Variants in POR observed in about 807,000 individuals in gnomAD.
POR encodes the protein cytochrome p450 oxidoreductase.
POR carries 56 observed loss-of-function variants against 84.0 expected under a neutral mutation model. That is an observed-to-expected ratio of 0.67 (90% CI 0.54 to 0.83). The LOEUF (loss-of-function observed/expected upper bound fraction) is 0.83. POR is among the 40% of genes least tolerant of loss of function. The pLI is 0.00. For synonymous variants in POR, 414 were observed against 400.5 expected (o/e 1.03, Z -0.40); for missense variants, 938 against 944.3 (o/e 0.99, Z 0.09).
At chr7:75,950,724 G>A (rs1006309811) in intron 1 of POR, among the ~76,000 whole-genome samples, 4 of 152,164 alleles carry the variant, frequency 2.6e-5, no homozygotes, top group African/African-American at 7.2e-5. Context: ...AATATAAATA[G>A]TTTTCTCTGG....
intron 1 of POR, among the ~76,000 whole-genome samples, chr7:75,942,698 A>G (rs531589282): frequency 3.3e-5 from 5 of 151,986 alleles, no homozygotes; most frequent in East Asian, 1.9e-4. Flanking sequence ...AAAATGTGCA[A>G]AGGTTTTTCA....
chr7:75,951,720 C>T (rs997210870), intron 1 of POR, among the ~76,000 whole-genome samples: 1 of 152,228 alleles, frequency 6.6e-6, no homozygotes, highest in Non-Finnish European at 1.5e-5. Context: ...AAAACCCAGT[C>T]GGTCATATCC....
At chr7:75,927,178 G>A (rs577188961) in intron 1 of POR, among the ~76,000 whole-genome samples, 116 of 152,252 alleles carry the variant, frequency 7.6e-4, no homozygotes, top group African/African-American at 2.6e-3. Flanking sequence ...GCTCCTGTAT[G>A]TCAGAGCAGT....
chr7:75,937,766 G>C (rs1158635737), intron 1 of POR, among the ~76,000 whole-genome samples: 4 of 151,948 alleles, frequency 2.6e-5, no homozygotes, highest in Non-Finnish European at 2.9e-5. Flanking sequence ...TGGGCGACAA[G>C]AGCAAAACTC....
intron 1 of POR, among the ~76,000 whole-genome samples, chr7:75,925,801 G>T (rs186944673): frequency 6.6e-6 from 1 of 152,270 alleles, no homozygotes; most frequent in Admixed American, 6.5e-5. Context: ...AGGCTGAGAG[G>T]TTCAGGCTCG....
At chr7:75,983,913 G>A (rs1789238269) in intron 10 of POR, 57 bp downstream of exon 10, 1 of 1,370,152 alleles carries the variant, frequency 7.3e-7, no homozygotes, top group African/African-American at 1.4e-5. Flanking sequence ...GATTGGGCCT[G>A]TAGGAAGGCC....
chr7:75,917,358 G>A (rs1233327487), intron 1 of POR, among the ~76,000 whole-genome samples: 5 of 149,364 alleles, frequency 3.3e-5, no homozygotes, highest in South Asian at 4.3e-4. Context: ...GTGAGCCACC[G>A]TTCCTGGCTT....
At chr7:75,919,070 C>T (rs1806722855) in intron 1 of POR, among the ~76,000 whole-genome samples, 1 of 151,234 alleles carries the variant, frequency 6.6e-6, no homozygotes, top group Non-Finnish European at 1.5e-5. Context: ...GTGATCTTGG[C>T]TCACTGCAAC....
At position 75,986,566 on chromosome 7, in the gene POR, GGC is replaced by G; in HGVS notation, c.*86_*87del. 6.6e-7 allele frequency: 1 copy of G among 1,513,874 alleles called. No homozygotes were observed. The highest frequency in any genetic ancestry group is 2.4e-5 in the East Asian group (1 of 41,308). 93.8% of individuals were successfully genotyped at this position (1,513,874 alleles called of 1,614,324 possible). On this transcript the variant is annotated 3_prime_UTR_variant, in exon 16 of 16. Coordinates refer to ENST00000461988, the MANE Select transcript of POR (RefSeq NM_000941.3). Reference sequence around the variant, plus strand: ...CTCCCGTAGTCTCCTGGGTGTGTTTGGCTTGGCCTTGGCATGGGCGCAGGCCC... The same window carrying G: ...CTCCCGTAGTCTCCTGGGTGTGTTTGTTGGCCTTGGCATGGGCGCAGGCCC...
intron 2 of POR, among the ~76,000 whole-genome samples, chr7:75,966,000 TG>T (rs1280677043): frequency 2.6e-5 from 4 of 152,186 alleles, no homozygotes; most frequent in African/African-American, 9.7e-5. Context: ...GCTGGGCCAC[TG>T]GGCCCTGGAG....
intron 1 of POR, among the ~76,000 whole-genome samples, chr7:75,940,319 T>C (rs1214247012): frequency 2.0e-5 from 3 of 151,556 alleles, no homozygotes; most frequent in Admixed American, 2.0e-4. Context: ...ACTCCTGACC[T>C]CAGGTGATCC....
At chr7:75,947,825 G>A (rs2116376408) in intron 1 of POR, among the ~76,000 whole-genome samples, 1 of 152,090 alleles carries the variant, frequency 6.6e-6, no homozygotes, top group Admixed American at 6.6e-5. Context: ...CAGGCTCTGG[G>A]GCAGGACCGC....
chr7:75,972,319 C>G (rs782571854), intron 2 of POR, 94 bp from the exon 3 acceptor site: 68 of 1,114,026 alleles, frequency 6.1e-5, no homozygotes, highest in Non-Finnish European at 8.8e-5. Flanking sequence ...CCACAGCATC[C>G]CATGAAACCT....
rs1335635822 is a variant in POR, at chr7:75,918,152, C to T, written c.-5+2973C>T. Among the ~76,000 whole-genome samples, 3 of 152,184 alleles carry T rather than the reference C, an allele frequency of 2.0e-5. No homozygotes were observed. The East Asian group carries it at 5.8e-4, about 29-fold the overall frequency. Reference sequence around the variant, plus strand: ...TGAAACCCCGTCTCTACTAAAAATACAAAAATTAGCCGGTGTGGTGGTGTG... The same window carrying T: ...TGAAACCCCGTCTCTACTAAAAATATAAAAATTAGCCGGTGTGGTGGTGTG... On this transcript the variant is annotated intron_variant, in intron 1 of 15. Coordinates refer to ENST00000461988, the MANE Select transcript of POR (RefSeq NM_000941.3).
chr7:75,934,647 TC>T (rs1341401056), intron 1 of POR, among the ~76,000 whole-genome samples: 9 of 152,142 alleles, frequency 5.9e-5, no homozygotes, highest in Admixed American at 2.6e-4. Context: ...TGTGGAGGCC[TC>T]AGAGGGAAGA....
chr7:75,980,462 G>C lies in POR; in HGVS notation c.490G>C (p.Val164Leu), dbSNP rs200112691. ...CTACGACTGGCTGCAGGAGACAGAC[G>C]TGGATCTCTCTGGGGTCAAGTTCGC... The change falls in exon 5 of 16, where the codon GTG (valine) becomes CTG (leucine). Residue 164 changes from valine (V) to leucine (L), a missense_variant. By Grantham distance (32) the Val-to-Leu change is conservative. Transcript: ENST00000461988. The C allele has an allele frequency of 6.2e-7, 1 of 1,613,108 alleles. No homozygotes were observed. Among genetic ancestry groups the C allele is most frequent in the East Asian group, 2.2e-5 (1 of 44,868 alleles).
intron 1 of POR, among the ~76,000 whole-genome samples, chr7:75,945,016 G>A (rs1006493111): frequency 2.6e-5 from 4 of 152,052 alleles, no homozygotes; most frequent in Non-Finnish European, 5.9e-5. Flanking sequence ...GGCCGGGCAC[G>A]GTGGCTCACT....
Position 75,985,991 on chromosome 7 carries a change from G to C in POR, c.1738G>C (p.Glu580Gln), listed in dbSNP as rs782128221. Residue 580 changes from glutamate (E) to glutamine (Q), a missense_variant, in exon 14 of 16, where the codon GAG becomes CAG. Coordinates refer to ENST00000461988, the MANE Select transcript of POR (RefSeq NM_000941.3). ...CTCGGATGAGGACTACCTGTACCGG[G>C]AGGAGCTGGCGCAGTTCCACAGGGA... 3.2e-5 allele frequency: 51 copies of C among 1,577,158 alleles called. No individual in the cohort carries two copies. The East Asian group carries it at 1.2e-3, about 36-fold the overall frequency.
intron 1 of POR, among the ~76,000 whole-genome samples, chr7:75,935,261 A>G (rs1377723571): frequency 1.3e-5 from 2 of 151,840 alleles, no homozygotes; most frequent in Non-Finnish European, 2.9e-5. Context: ...GGTGGCTCAC[A>G]CCTGTAATCC....
Sources: gnomAD v4.1 joint callset for allele counts (sites outside exome capture counted in the v4.1 genomes callset) on GRCh38, gnomAD v4.1.1 for gene constraint, MANE v1.5 for transcripts, NCBI Gene and HGNC (gene_info 2026-07-23, HGNC 2026-07-21) for gene names.